Variants in LRRC28 observed in about 807,000 individuals in gnomAD.
LRRC28 encodes the protein leucine rich repeat containing 28.
LRRC28 carries 39 observed loss-of-function variants against 45.7 expected under a neutral mutation model. That is an observed-to-expected ratio of 0.85 (90% CI 0.66 to 1.12). The LOEUF (loss-of-function observed/expected upper bound fraction) is 1.12, where lower values mean the gene tolerates loss of function less well. Ranked by LOEUF, LRRC28 falls within the 50% of genes most tolerant of loss-of-function variation. The pLI, the probability that LRRC28 is intolerant of heterozygous loss-of-function variation, is 0.00. For missense variants in LRRC28, 435 were observed against 438.5 expected (o/e 0.99, Z 0.07); for synonymous variants, 206 against 178.8 (o/e 1.15, Z -1.22).
At chr15:99,259,354 T>A in intron 2 of LRRC28, 1 of 1,546,542 alleles carries the variant, frequency 6.5e-7, no homozygotes, top group Non-Finnish European at 8.9e-7. Flanking sequence ...TTCAGGCCCT[T>A]CCCGAATTTG....
intron 2 of LRRC28, chr15:99,260,117 C>G: frequency 2.3e-6 from 1 of 432,850 alleles, no homozygotes; most frequent in Non-Finnish European, 4.5e-6. Context: ...CCCCACCAGT[C>G]CCCTTCTCCC....
chr15:99,267,537 G>T (rs2081363602), intron 2 of LRRC28, among the ~76,000 whole-genome samples: 1 of 152,152 alleles, frequency 6.6e-6, no homozygotes, highest in South Asian at 2.1e-4. Context: ...CGCCATGATT[G>T]CACTGTTCTT....
intron 9 of LRRC28, among the ~76,000 whole-genome samples, chr15:99,382,120 C>A (rs1387683627): frequency 6.6e-6 from 1 of 152,246 alleles, no homozygotes; most frequent in Non-Finnish European, 1.5e-5. Context: ...CTATGCCCTG[C>A]CCCGAGAGGT....
At chr15:99,297,929 T>C (rs2082307133) in intron 5 of LRRC28, among the ~76,000 whole-genome samples, 1 of 152,018 alleles carries the variant, frequency 6.6e-6, no homozygotes, top group South Asian at 2.1e-4. Context: ...TTCTGAACGA[T>C]GTGTCCTTCT....
intron 5 of LRRC28, among the ~76,000 whole-genome samples, chr15:99,292,642 G>T (rs1343740873): frequency 6.6e-6 from 1 of 152,162 alleles, no homozygotes; most frequent in Non-Finnish European, 1.5e-5. Context: ...GGGATTACAG[G>T]CGTGAGCCAC....
At chr15:99,385,542 A>G (rs903131626) in intron 9 of LRRC28, among the ~76,000 whole-genome samples, 2 of 152,218 alleles carry the variant, frequency 1.3e-5, no homozygotes, top group African/African-American at 4.8e-5. Context: ...TTCTGAAATG[A>G]CCTCTACGAG....
intron 5 of LRRC28, among the ~76,000 whole-genome samples, chr15:99,290,252 C>T (rs1011009228): frequency 1.3e-5 from 2 of 149,012 alleles, no homozygotes; most frequent in African/African-American, 2.5e-5. Context: ...GAGTGAGACC[C>T]TGCCTCAAAA....
chr15:99,301,855 CAAG>C (rs1428416320), intron 5 of LRRC28, among the ~76,000 whole-genome samples: 2 of 151,888 alleles, frequency 1.3e-5, no homozygotes, highest in African/African-American at 4.8e-5. Flanking sequence ...AATGGTATGA[CAAG>C]AAAGAGAACC....
intron 5 of LRRC28, among the ~76,000 whole-genome samples, chr15:99,291,788 G>T (rs550609782): frequency 6.6e-6 from 1 of 152,300 alleles, no homozygotes; most frequent in Admixed American, 6.5e-5. Flanking sequence ...ACACTGTTCT[G>T]TCAGCAATAT....
At chr15:99,290,044 G>A (rs1292100137) in intron 5 of LRRC28, among the ~76,000 whole-genome samples, 2 of 151,294 alleles carry the variant, frequency 1.3e-5, no homozygotes, top group African/African-American at 4.9e-5. Flanking sequence ...GATCACCTGA[G>A]GTCAGGAGTT....
intron 6 of LRRC28, among the ~76,000 whole-genome samples, chr15:99,339,214 T>G (rs1490477189): frequency 6.6e-6 from 1 of 152,174 alleles, no homozygotes; most frequent in Non-Finnish European, 1.5e-5. Flanking sequence ...AATTAATAAG[T>G]CCAATTATCC....
intron 9 of LRRC28, among the ~76,000 whole-genome samples, chr15:99,380,506 T>G (rs1374477635): frequency 1.3e-5 from 2 of 152,238 alleles, no homozygotes; most frequent in African/African-American, 4.8e-5. Flanking sequence ...CAGTCTGTCT[T>G]TTAATTGGAG....
chr15:99,318,757 C>T (rs977150945), intron 5 of LRRC28, among the ~76,000 whole-genome samples: 2 of 151,970 alleles, frequency 1.3e-5, no homozygotes, highest in South Asian at 2.1e-4. Flanking sequence ...ATTTAGAAAT[C>T]AAAATTATAT....
At chr15:99,352,697 A>C (rs931916344) in intron 7 of LRRC28, among the ~76,000 whole-genome samples, 1 of 152,200 alleles carries the variant, frequency 6.6e-6, no homozygotes, top group Non-Finnish European at 1.5e-5. Flanking sequence ...TTACAGAAAG[A>C]AACACCTTTA....
At chr15:99,320,783 C>T (rs1030435760) in intron 5 of LRRC28, 1 of 152,158 alleles carries the variant, frequency 6.6e-6, no homozygotes, top group Non-Finnish European at 1.5e-5. Flanking sequence ...CTGGTTGTAC[C>T]TTCTCAAATG....
chr15:99,348,742 T>C (rs1332208649), intron 6 of LRRC28, among the ~76,000 whole-genome samples: 2 of 149,174 alleles, frequency 1.3e-5, no homozygotes, highest in East Asian at 3.9e-4. Flanking sequence ...TGGGTTTTTT[T>C]TGTTGTTTTT....
intron 5 of LRRC28, among the ~76,000 whole-genome samples, chr15:99,289,939 CAAAA>C (rs398028517): frequency 8.0e-5 from 4 of 49,714 alleles, no homozygotes; most frequent in South Asian, 1.3e-3. Flanking sequence ...GACTCCGTCT[CAAAA>C]AAAAAAAAAA....
chr15:99,340,872 C>G (rs1956483242), intron 6 of LRRC28, among the ~76,000 whole-genome samples: 1 of 152,004 alleles, frequency 6.6e-6, no homozygotes, highest in Non-Finnish European at 1.5e-5. Flanking sequence ...GGTTCAAAAT[C>G]TAGTAGTGGG....
intron 2 of LRRC28, among the ~76,000 whole-genome samples, chr15:99,275,397 A>G (rs2081590915): frequency 6.6e-6 from 1 of 152,192 alleles, no homozygotes; most frequent in Non-Finnish European, 1.5e-5. Context: ...ACCTGTGGCC[A>G]GGTCTGACAC....
Sources: allele counts gnomAD v4.1 joint callset (sites outside exome capture counted in the v4.1 genomes callset), GRCh38; gene constraint gnomAD v4.1.1; transcripts MANE v1.5; gene names NCBI Gene and HGNC (gene_info 2026-07-23, HGNC 2026-07-21).